WDR33: variants seen among roughly 807,000 people sequenced by gnomAD.
WDR33 encodes the protein pre-mRNA 3' end processing protein WDR33.
A neutral mutation model predicts 164.9 loss-of-function variants in WDR33; 47 were observed. The observed-to-expected ratio is 0.29, with a 90% CI of 0.23 to 0.36. The LOEUF is 0.36. Among genes scored for constraint, WDR33 ranks in the 10% least tolerant of loss-of-function variants. WDR33 has a pLI of 1.00. For missense variants in WDR33, 1,137 were observed against 1,754.1 expected, an observed-to-expected ratio of 0.65 and a Z score of 6.28; for synonymous variants, 505 against 589.0, an observed-to-expected ratio of 0.86 and a Z score of 2.06.
chr2:127,749,839 CT>C (rs1286010102), intron 7 of WDR33, among the ~76,000 whole-genome samples: 255 of 140,578 alleles, frequency 1.8e-3, no homozygotes, highest in Middle Eastern at 3.7e-3. Flanking sequence ...ATTTCACAGG[CT>C]TTTTTTTTTT....
rs1039886309 is a variant in WDR33 at position 127,722,813 on chromosome 2, G to C, written c.1379-83C>G. ...CAATGAACACATTATTGGAAGAATA[G>C]ATTTTAAGTATTATGTCATTTATAT... is the stretch of plus-strand genomic sequence containing the variant. On this transcript the variant is annotated intron_variant, in intron 13 of 21. Coordinates refer to ENST00000322313, the MANE Select transcript of WDR33 (RefSeq NM_018383.5). This position sits in a 1 kb window ranked among gnomAD's most constrained non-coding sequence, Gnocchi z 5.1. 6 of 1,481,264 alleles carry C rather than the reference G, an allele frequency of 4.1e-6. No individual in the cohort carries two copies. The Admixed American group carries it at 1.3e-4, about 31-fold the overall frequency. 91.8% of individuals were successfully genotyped at this position (1,481,264 alleles called of 1,614,324 possible). A position where few individuals can be genotyped will look rare whatever the true frequency, so the allele number is the denominator to read the frequency against.
chr2:127,755,029 C>T (rs769282862), intron 7 of WDR33, among the ~76,000 whole-genome samples: 12 of 152,118 alleles, frequency 7.9e-5, no homozygotes, highest in Admixed American at 3.3e-4. Context: ...TGGGGAAGAA[C>T]ATGACACCTC....
intron 7 of WDR33, chr2:127,762,361 T>C (rs1687702547): frequency 2.2e-5 from 7 of 319,056 alleles, no homozygotes; most frequent in Non-Finnish European, 3.2e-5. Flanking sequence ...AACAAATTCC[T>C]TAACTCTACC....
At chr2:127,765,794 TA>T (rs769820035) in intron 4 of WDR33, among the ~76,000 whole-genome samples, 375 of 135,688 alleles carry the variant, frequency 2.8e-3, no homozygotes, top group Middle Eastern at 3.7e-3. Flanking sequence ...TAAACATATT[TA>T]AAAAAAAAAA....
intron 1 of WDR33, among the ~76,000 whole-genome samples, chr2:127,782,420 A>G (rs1688405496): frequency 1.3e-5 from 2 of 151,980 alleles, no homozygotes; most frequent in Non-Finnish European, 2.9e-5. Context: ...TTTTGAGAAA[A>G]TTGATCTCAA....
intron 1 of WDR33, among the ~76,000 whole-genome samples, chr2:127,803,255 C>T (rs1208710972): frequency 2.0e-5 from 3 of 151,994 alleles, no homozygotes; most frequent in Non-Finnish European, 2.9e-5. Flanking sequence ...GTAGAAAATG[C>T]CACTAATGTT....
chr2:127,736,900 T>G (rs550346742), intron 7 of WDR33: 1,078 of 985,344 alleles, frequency 1.1e-3, no homozygotes, highest in Non-Finnish European at 1.2e-3. Flanking sequence ...TGAGTCAAAT[T>G]TAAAGGCTGT....
chr2:127,749,910 A>G (rs917305170), intron 7 of WDR33, among the ~76,000 whole-genome samples: 1 of 149,070 alleles, frequency 6.7e-6, no homozygotes, highest in African/African-American at 2.5e-5. Flanking sequence ...ATCTCAGCTC[A>G]CTGCAAGCTC....
At chr2:127,801,756 C>T (rs1420086191) in intron 1 of WDR33, among the ~76,000 whole-genome samples, 1 of 152,036 alleles carries the variant, frequency 6.6e-6, no homozygotes, top group African/African-American at 2.4e-5. Flanking sequence ...TGGTGGTGCA[C>T]ACCTGTAGTG....
chr2:127,780,529 C>T (rs912709712), intron 1 of WDR33, among the ~76,000 whole-genome samples: 1 of 152,152 alleles, frequency 6.6e-6, no homozygotes, highest in African/African-American at 2.4e-5. Context: ...TACATGGAGA[C>T]CATTCAATCT....
chr2:127,711,858 T>G (rs1331336123), intron 18 of WDR33, among the ~76,000 whole-genome samples: 1 of 148,482 alleles, frequency 6.7e-6, no homozygotes, highest in Non-Finnish European at 1.5e-5. Context: ...CTGCTATCTC[T>G]GCCTCCCAGA....
chr2:127,709,733 T>C lies in WDR33; in HGVS notation c.3432A>G (p.Arg1144=). The C allele has an allele frequency of 6.2e-7, 1 of 1,614,222 alleles. No individual in the cohort carries two copies. Among genetic ancestry groups the C allele is most frequent in the Non-Finnish European group, 8.5e-7 (1 of 1,180,034 alleles). ...ENFDASEEAA[R]GRDLRGRGRG... ...GACCTCGACCTCTGAGATCTCGTCC[T>C]CGGGCCGCTTCCTCAGAAGCATCAA... Residue 1144 remains arginine (R), a synonymous_variant, in exon 19 of 22, where the codon CGA becomes CGG. Coordinates refer to ENST00000322313, the MANE Select transcript of WDR33 (RefSeq NM_018383.5). This position sits in a 1 kb window ranked among gnomAD's most constrained non-coding sequence, Gnocchi z 5.0.
At chr2:127,789,679 C>G (rs917308653) in intron 1 of WDR33, among the ~76,000 whole-genome samples, 3 of 151,838 alleles carry the variant, frequency 2.0e-5, no homozygotes, top group African/African-American at 4.8e-5. Context: ...CCTTTCTGTT[C>G]TAAAAGCCTT....
intron 7 of WDR33, chr2:127,737,907 C>T: frequency 6.5e-7 from 1 of 1,536,662 alleles, no homozygotes; most frequent in Non-Finnish European, 8.7e-7. Flanking sequence ...TCCACAGCAT[C>T]AACTGTAATT....
chr2:127,708,666 C>T lies in WDR33; in HGVS notation c.3781+11G>A. Reference sequence around the variant, plus strand: ...CATCTCCTGGAACCATAACCACTGGCCTGCTCTTACCTTTGCCTCCTCGGT... The same window carrying T: ...CATCTCCTGGAACCATAACCACTGGTCTGCTCTTACCTTTGCCTCCTCGGT... On this transcript the variant is annotated intron_variant, in intron 21 of 21. Transcript: ENST00000322313. The surrounding 1 kb of genome is among the most constrained non-coding windows in gnomAD (Gnocchi z 6.7). The T allele has an allele frequency of 6.3e-7, 1 of 1,586,448 alleles. No individual in the cohort carries two copies. The highest frequency in any genetic ancestry group is 1.7e-5 in the Admixed American group (1 of 57,184).
intron 1 of WDR33, among the ~76,000 whole-genome samples, chr2:127,787,490 A>G (rs1274166681): frequency 9.2e-6 from 1 of 108,932 alleles, no homozygotes; most frequent in Non-Finnish European, 1.9e-5. Flanking sequence ...CGGGGGGCTG[A>G]CCCCCCCCAC....
chr2:127,721,939 T>C lies in WDR33; in HGVS notation c.1568A>G (p.Asn523Ser). The C allele has an allele frequency of 6.2e-7, 1 of 1,613,768 alleles. No homozygotes were observed. Among genetic ancestry groups the C allele is most frequent in the South Asian group, 1.1e-5 (1 of 91,000 alleles). ...CAATTTAATGTCTTCTTTTCTGTCA[T>C]TCAGCACCTCATTTGGAGCAGGAAT... is the stretch of plus-strand genomic sequence containing the variant. The part of the protein sequence containing the change: ...VPIPAPNEVL[N>S]DRKEDIKLEE... Residue 523 changes from asparagine to serine, a missense_variant, in exon 15 of 22, where the codon AAT becomes AGT. Around this residue, in one of 9 missense-constraint regions of WDR33, gnomAD observed 75 missense variants for 124.7 expected, o/e 0.60. Coordinates refer to ENST00000322313, the MANE Select transcript of WDR33 (RefSeq NM_018383.5). The surrounding 1 kb of genome is among the most constrained non-coding windows in gnomAD (Gnocchi z 4.9).
chr2:127,805,072 T>TTTC (rs1689385653), intron 1 of WDR33, among the ~76,000 whole-genome samples: 12 of 98,864 alleles, frequency 1.2e-4, no homozygotes, highest in African/African-American at 5.0e-4. Flanking sequence ...TTTTTTCTTT[T>TTTC]TTTTTTTTTT....
intron 1 of WDR33, among the ~76,000 whole-genome samples, chr2:127,783,027 A>C (rs1688429197): frequency 6.6e-6 from 1 of 152,044 alleles, no homozygotes; most frequent in Admixed American, 6.6e-5. Context: ...ATAATAATAA[A>C]ATAAAGTATA....
Sources: allele counts gnomAD v4.1 joint callset (sites outside exome capture counted in the v4.1 genomes callset), GRCh38; gene constraint gnomAD v4.1.1; regional missense constraint gnomAD v4.1.1; non-coding constraint Gnocchi (gnomAD v3.1); transcripts MANE v1.5; gene names NCBI Gene and HGNC (gene_info 2026-07-23, HGNC 2026-07-21).